The following MACO1 variants were observed in gnomAD, a reference collection of about 807,000 sequenced individuals.
The protein encoded by MACO1 is macoilin 1.
MACO1 carries 14 observed loss-of-function variants against 78.7 expected under a neutral mutation model. The ratio of observed to expected loss-of-function variants is 0.18; its 90% confidence interval spans 0.12 to 0.28. The LOEUF is 0.28. Among genes scored for constraint, MACO1 ranks in the 10% least tolerant of loss-of-function variants. The probability of loss-of-function intolerance (pLI) is 1.00; values close to 1 mark genes in which losing one functional copy is unlikely to be tolerated. For missense variants in MACO1, 501 were observed against 799.0 expected, an observed-to-expected ratio of 0.63 and a Z score of 4.50; for synonymous variants, 288 against 291.6, an observed-to-expected ratio of 0.99 and a Z score of 0.12.
At chr1:25,460,524 C>T (rs562682895) in intron 6 of MACO1, among the ~76,000 whole-genome samples, 2 of 152,100 alleles carry the variant, frequency 1.3e-5, no homozygotes, top group East Asian at 3.9e-4. Flanking sequence ...CCCACCTCAT[C>T]CTCCTGTGTA....
At chr1:25,468,534 C>T (rs2043238634) in intron 6 of MACO1, among the ~76,000 whole-genome samples, 1 of 152,100 alleles carries the variant, frequency 6.6e-6, no homozygotes, top group Non-Finnish European at 1.5e-5. Flanking sequence ...AAAGAAAGTG[C>T]CTTTTCTTAA....
At chr1:25,461,813 A>G (rs1166195952) in intron 6 of MACO1, among the ~76,000 whole-genome samples, 1 of 152,236 alleles carries the variant, frequency 6.6e-6, no homozygotes, top group Non-Finnish European at 1.5e-5. Flanking sequence ...GAAAATAACC[A>G]AATTGTTAAC....
rs193197421 is a variant in MACO1, at chr1:25,490,093, A to G, written c.1617+800A>G. ...ATGAGTTTTTAAAAACTAGGTGGAA[A>G]TATACTTGACCTTGAAACAAGGGAA... is the stretch of plus-strand genomic sequence containing the variant. On this transcript the variant is annotated intron_variant, in intron 9 of 10. Coordinates refer to ENST00000374343, the MANE Select transcript of MACO1 (RefSeq NM_018202.6). Among the ~76,000 whole-genome samples, 25 of 152,324 alleles carry G rather than the reference A, an allele frequency of 1.6e-4. No individual in the cohort carries two copies. The Middle Eastern group carries it at 0.01, about 62-fold the overall frequency.
chr1:25,482,197 A>G (rs375526904), intron 6 of MACO1, among the ~76,000 whole-genome samples: 2 of 152,190 alleles, frequency 1.3e-5, no homozygotes, highest in South Asian at 2.1e-4. Context: ...GACTTTACCT[A>G]CTTGTGAGTT....
chr1:25,489,246 A>G lies in MACO1; in HGVS notation c.1570A>G (p.Met524Val). ...EAEGKKLTMD[M>V]KVKEDQIREL... ...AGAGGGCAAGAAGCTCACGATGGAC[A>G]TGAAGGTGAAAGAAGACCAAATCAG... The change falls in exon 9 of 11, where the codon ATG becomes GTG. Residue 524 changes from methionine to valine, a missense_variant. Physicochemically the swap from Met to Val is conservative, Grantham distance 21 (BLOSUM62 1). Around this residue, in one of 5 missense-constraint regions of MACO1, gnomAD observed 163 missense variants for 271.9 expected, o/e 0.60. Transcript: ENST00000374343. 1.2e-6 allele frequency: 2 copies of G among 1,614,124 alleles called. No individual in the cohort carries two copies. The highest frequency in any genetic ancestry group is 1.1e-5 in the South Asian group (1 of 91,080).
At chr1:25,451,399 G>T (rs992305606) in intron 3 of MACO1, among the ~76,000 whole-genome samples, 2 of 152,062 alleles carry the variant, frequency 1.3e-5, no homozygotes, top group Admixed American at 1.3e-4. Context: ...GCTCAAAAAT[G>T]CTTTCAATGT....
intron 9 of MACO1, 155 bp from the exon 10 acceptor site, chr1:25,491,255 C>T (rs1254419123): frequency 2.5e-6 from 1 of 399,342 alleles, no homozygotes; most frequent in Non-Finnish European, 3.4e-6. Context: ...GCCATATAAA[C>T]ACATTTAGCA....
In MACO1 at chr1:25,454,402, A is replaced by T; in HGVS notation, c.473+20A>T. The T allele has an allele frequency of 1.9e-6, 3 of 1,538,694 alleles. No homozygotes were observed. The highest frequency in any genetic ancestry group is 2.4e-5 in the South Asian group (2 of 84,906). ...TCACTGGTAAGTATTACATAAATGT[A>T]TGTGTGTGTGTGTGTATATGTGTGT... On this transcript the variant is annotated intron_variant, in intron 4 of 10. Transcript: ENST00000374343.
chr1:25,455,497 C>T (rs1026868645), intron 4 of MACO1, among the ~76,000 whole-genome samples: 12 of 152,022 alleles, frequency 7.9e-5, no homozygotes, highest in East Asian at 1.9e-4. Flanking sequence ...AACATGTCAC[C>T]GTAAGTTTGT....
intron 6 of MACO1, among the ~76,000 whole-genome samples, chr1:25,475,510 G>T (rs138404738): frequency 0.013 from 1,863 of 148,226 alleles, 122 homozygotes; most frequent in Admixed American, 0.11. Context: ...CCAGGAGTTA[G>T]CTTGACCAGT....
intron 1 of MACO1, among the ~76,000 whole-genome samples, chr1:25,443,822 T>C (rs943196932): frequency 2.0e-5 from 3 of 152,334 alleles, no homozygotes; most frequent in Admixed American, 6.5e-5. Flanking sequence ...TTCTCCACTT[T>C]GGGAATGGTA....
chr1:25,464,929 C>T (rs1197962833), intron 6 of MACO1, among the ~76,000 whole-genome samples: 1 of 152,010 alleles, frequency 6.6e-6, no homozygotes, highest in African/African-American at 2.4e-5. Context: ...CCACCTCGGC[C>T]TCCCAAAGTG....
chr1:25,482,246 G>A (rs554455252), intron 6 of MACO1, among the ~76,000 whole-genome samples: 53 of 152,238 alleles, frequency 3.5e-4, no homozygotes, highest in Non-Finnish European at 5.3e-4. Context: ...AATAAATATT[G>A]TTATTCCTAG....
chr1:25,456,852 T>C (rs1002014306), intron 5 of MACO1, 21 bp downstream of exon 5: 1 of 1,571,812 alleles, frequency 6.4e-7, no homozygotes, highest in East Asian at 2.3e-5. Context: ...ACCCTAAAGC[T>C]GTTGGCTCAA....
chr1:25,477,081 G>T (rs866143493), intron 6 of MACO1, among the ~76,000 whole-genome samples: 3 of 152,326 alleles, frequency 2.0e-5, no homozygotes, highest in Non-Finnish European at 2.9e-5. Context: ...CACAGGAAAA[G>T]ATTAAACATC....
At chr1:25,460,354 G>A (rs2043160081) in intron 6 of MACO1, among the ~76,000 whole-genome samples, 4 of 151,660 alleles carry the variant, frequency 2.6e-5, no homozygotes, top group Admixed American at 2.6e-4. Context: ...TTCACTAAAT[G>A]CTATACACAA....
intron 1 of MACO1, among the ~76,000 whole-genome samples, chr1:25,442,539 A>T (rs1311571955): frequency 6.6e-6 from 1 of 152,208 alleles, no homozygotes; most frequent in African/African-American, 2.4e-5. Context: ...CCAGAAAATG[A>T]TCTAGATGAT....
rs539330446 is a variant in MACO1, at chr1:25,484,212, C to T, written c.1251C>T (p.Thr417=). ...LRSQISSLSS[T]ERGIRSEMGQ... ...GTCAGATCAGCTCCCTTTCGAGCAC[C>T]GAGCGAGGGATCCGCTCAGAAATGG... Residue 417 remains threonine (T), a synonymous_variant, in exon 7 of 11, where the codon ACC becomes ACT. Coordinates refer to ENST00000374343, the MANE Select transcript of MACO1 (RefSeq NM_018202.6). 2.0e-5 allele frequency: 33 copies of T among 1,613,938 alleles called. No individual in the cohort carries two copies. The highest frequency in any genetic ancestry group is 4.0e-5 in the African/African-American group (3 of 75,036).
At chr1:25,432,833 C>A (rs1014498605) in intron 1 of MACO1, among the ~76,000 whole-genome samples, 21 of 152,166 alleles carry the variant, frequency 1.4e-4, no homozygotes, top group Admixed American at 1.3e-3. Flanking sequence ...GATTGAGAGT[C>A]CCATATTGTT....
Sources: gnomAD v4.1 joint callset for allele counts (sites outside exome capture counted in the v4.1 genomes callset) on GRCh38, gnomAD v4.1.1 for gene constraint, gnomAD v4.1.1 regional missense constraint, MANE v1.5 for transcripts, NCBI Gene and HGNC (gene_info 2026-07-23, HGNC 2026-07-21) for gene names.